Variants in MALT1 observed in about 807,000 individuals in gnomAD.
MALT1 encodes mucosa-associated lymphoid tissue lymphoma translocation protein 1.
A neutral mutation model predicts 85.5 loss-of-function variants in MALT1; 36 were observed. That is an observed-to-expected ratio of 0.42 (90% CI 0.32 to 0.56). The LOEUF (loss-of-function observed/expected upper bound fraction) is 0.56. MALT1 is among the 20% of genes least tolerant of loss of function. The pLI, the probability that MALT1 is intolerant of heterozygous loss-of-function variation, is 0.10. For missense variants in MALT1, 716 were observed against 981.6 expected, an observed-to-expected ratio of 0.73 and a Z score of 3.62; for synonymous variants, 359 against 361.3, an observed-to-expected ratio of 0.99 and a Z score of 0.07.
intron 4 of MALT1, among the ~76,000 whole-genome samples, chr18:58,706,812 T>G (rs2054758621): frequency 6.6e-6 from 1 of 152,242 alleles, no homozygotes; most frequent in Non-Finnish European, 1.5e-5. Context: ...CCATTGTTTA[T>G]CATGGAAATT....
intron 4 of MALT1, among the ~76,000 whole-genome samples, chr18:58,706,218 G>A (rs552870326): frequency 3.9e-5 from 6 of 152,096 alleles, no homozygotes; most frequent in South Asian, 2.1e-4. Context: ...GTGCAGTGGC[G>A]TGATCTCGGC....
In MALT1 at chr18:58,753,599, G is replaced by A. The variant is rs965028468; in HGVS notation, c.*5757G>A. ...ATTTAATGCCACCAGTTTGTGTTAT[G>A]TATCTATCCCGCAAAACAGCTCTAA... On this transcript the variant is annotated 3_prime_UTR_variant, in exon 17 of 17. Coordinates refer to ENST00000649217, the MANE Select transcript of MALT1 (RefSeq NM_006785.4). 1.3e-5 allele frequency: 2 copies of A among 152,132 alleles called. No individual in the cohort carries two copies. Among genetic ancestry groups the A allele is most frequent in the Non-Finnish European group, 2.9e-5 (2 of 68,028 alleles). The allele number at this position is 152,132 out of a possible 1,614,324, so 9.4% of individuals were successfully genotyped here.
rs1602334928 is a variant in MALT1 at position 58,733,963 on chromosome 18, C to T, written c.1401-344C>T. The T allele has an allele frequency of 3.8e-5, 44 of 1,147,820 alleles. 1 individual carries two copies. The South Asian group carries it at 4.7e-4, about 12-fold the overall frequency. 71.1% of individuals were successfully genotyped at this position (1,147,820 alleles called of 1,614,324 possible). A position where few individuals can be genotyped will look rare whatever the true frequency, so the allele number is the denominator to read the frequency against. ...GTCTTCCAGACATGGAATGAGTAGC[C>T]GAAGCAGATGTTTGGAGGTTTGGAT... On this transcript the variant is annotated intron_variant, in intron 11 of 16. Transcript: ENST00000649217.
Position 58,700,475 on chromosome 18 carries a change from A to G in MALT1, c.533A>G (p.Asn178Ser). Residue 178 changes from asparagine (N) to serine (S), a missense_variant, in exon 4 of 17, where the codon AAT becomes AGT. Around this residue, in one of 4 missense-constraint regions of MALT1, gnomAD observed 290 missense variants for 380.5 expected, o/e 0.76. Transcript: ENST00000649217. ...PNGNTSELIF[N>S]AVHVKDAGFY... is the part of the protein sequence containing the mutation. ...GGAAATACATCAGAGCTTATTTTTA[A>G]TGCAGTGCATGTAAAAGATGCAGGC... 6.2e-7 allele frequency: 1 copy of G among 1,606,238 alleles called. No individual in the cohort carries two copies.
chr18:58,685,436 G>A (rs2054387965), intron 2 of MALT1, among the ~76,000 whole-genome samples: 1 of 136,652 alleles, frequency 7.3e-6, no homozygotes, highest in African/African-American at 2.6e-5. Context: ...TAACTGTCAT[G>A]TGGAGTTTCT....
In MALT1 at chr18:58,713,484, C is replaced by T. The variant is rs149854629; in HGVS notation, c.959-599C>T. 5.4e-4 allele frequency among the ~76,000 whole-genome samples: 82 copies of T among 151,838 alleles called. 1 individual carries two copies. In the East Asian group the frequency reaches 0.015, roughly 28 times the overall value. On this transcript the variant is annotated intron_variant, in intron 7 of 16. Transcript: ENST00000649217. ...TCAAAACCGTCAGTGTCATCACAGA[C>T]AAGGAACACCTGAGCAGGTGTCAGA... is the stretch of plus-strand genomic sequence containing the variant.
chr18:58,725,748 CTTTG>C (rs1262473788), intron 10 of MALT1, among the ~76,000 whole-genome samples: 1 of 152,144 alleles, frequency 6.6e-6, no homozygotes, highest in South Asian at 2.1e-4. Context: ...CTTTTAAGCC[CTTTG>C]TTTGACTTTT....
At chr18:58,722,992 GT>G in intron 9 of MALT1, 55 bp from the exon 10 acceptor site, 1 of 1,226,312 alleles carries the variant, frequency 8.2e-7, no homozygotes, top group Non-Finnish European at 1.2e-6. Flanking sequence ...ATCTCCATAG[GT>G]TTTGTTTTAA....
At chr18:58,726,023 T>G (rs1423528865) in intron 10 of MALT1, among the ~76,000 whole-genome samples, 1 of 152,164 alleles carries the variant, frequency 6.6e-6, no homozygotes, top group Middle Eastern at 3.2e-3. Context: ...ATCATGCCAC[T>G]GCACTCCAGC....
chr18:58,704,682 G>A (rs1378427835), intron 4 of MALT1, among the ~76,000 whole-genome samples: 3 of 152,120 alleles, frequency 2.0e-5, no homozygotes, highest in African/African-American at 4.8e-5. Context: ...GGTCTCAAGC[G>A]ATCCGCCCAC....
At chr18:58,671,880 C>G in intron 1 of MALT1, 28 bp downstream of exon 1, 1 of 1,208,626 alleles carries the variant, frequency 8.3e-7, no homozygotes, top group Non-Finnish European at 1.0e-6. Flanking sequence ...GCAGGCCGGG[C>G]GCGCGGGTCG....
chr18:58,700,642 T>C, intron 4 of MALT1, 51 bp downstream of exon 4: 1 of 1,473,122 alleles, frequency 6.8e-7, no homozygotes, highest in South Asian at 1.4e-5. Context: ...CCATATTTTA[T>C]TTTATTTTAA....
rs2055393220 is a variant in MALT1 at position 58,747,912 on chromosome 18, GAC to G, written c.*72_*73del. 7.4e-7 allele frequency: 1 copy of G among 1,343,664 alleles called. No individual in the cohort carries two copies. The highest frequency in any genetic ancestry group is 1.4e-5 in the South Asian group (1 of 73,348). The allele number at this position is 1,343,664 out of a possible 1,614,324, so 83.2% of individuals were successfully genotyped here. ...ATAGTACTGCACTTACATAAAGTGA[GAC>G]ATTGTGAAAAGGCAAATTTGTATAT... On this transcript the variant is annotated 3_prime_UTR_variant, in exon 17 of 17. Transcript: ENST00000649217.
intron 2 of MALT1, among the ~76,000 whole-genome samples, chr18:58,693,362 C>T (rs1463439683): frequency 6.6e-6 from 1 of 152,150 alleles, no homozygotes; most frequent in East Asian, 1.9e-4. Flanking sequence ...GCGGAGGTTG[C>T]AGTGAGCGAG....
At chr18:58,704,503 T>C (rs1231190759) in intron 4 of MALT1, among the ~76,000 whole-genome samples, 1 of 152,176 alleles carries the variant, frequency 6.6e-6, no homozygotes, top group African/African-American at 2.4e-5. Context: ...GTCACCGAGG[T>C]TGGAGTGCAG....
At chr18:58,716,588 A>G (rs184650589) in intron 9 of MALT1, among the ~76,000 whole-genome samples, 1 of 152,354 alleles carries the variant, frequency 6.6e-6, no homozygotes, top group Non-Finnish European at 1.5e-5. Context: ...TGGAATGTTG[A>G]AAGTGCCTAA....
At chr18:58,708,752 A>G (rs1314360039) in intron 4 of MALT1, among the ~76,000 whole-genome samples, 2 of 152,362 alleles carry the variant, frequency 1.3e-5, no homozygotes, top group East Asian at 1.9e-4. Flanking sequence ...TATTCATTCA[A>G]TGAATATTAC....
At chr18:58,689,680 G>A (rs572137427) in intron 2 of MALT1, among the ~76,000 whole-genome samples, 1 of 152,164 alleles carries the variant, frequency 6.6e-6, no homozygotes, top group African/African-American at 2.4e-5. Context: ...ATAGATAACT[G>A]GGGGGTGGGA....
rs558748920 is a variant in MALT1, at chr18:58,748,122, A to C, written c.*280A>C. The C allele has an allele frequency of 5.1e-5, 19 of 375,576 alleles. No individual in the cohort carries two copies. The highest frequency in any genetic ancestry group is 7.4e-4 in the Middle Eastern group (1 of 1,348). The allele number at this position is 375,576 out of a possible 1,614,324, so 23.3% of individuals were successfully genotyped here. ...TATATAACAAAATATTTTCATTGTGACCACTCTGAAGTAAGAGCAATGGGA... is the reference window on the plus strand; with the variant it reads ...TATATAACAAAATATTTTCATTGTGCCCACTCTGAAGTAAGAGCAATGGGA... On this transcript the variant is annotated 3_prime_UTR_variant, in exon 17 of 17. Transcript: ENST00000649217.
Sources: allele counts gnomAD v4.1 joint callset (sites outside exome capture counted in the v4.1 genomes callset), GRCh38; gene constraint gnomAD v4.1.1; regional missense constraint gnomAD v4.1.1; transcripts MANE v1.5; gene names NCBI Gene and HGNC (gene_info 2026-07-23, HGNC 2026-07-21).